Variants in CNTNAP5 observed in about 807,000 individuals in gnomAD.
The protein encoded by CNTNAP5 is contactin associated protein family member 5.
CNTNAP5 carries 72 observed loss-of-function variants against 150.2 expected under a neutral mutation model. The ratio of observed to expected loss-of-function variants is 0.48; its 90% CI spans 0.40 to 0.58. CNTNAP5 has a LOEUF of 0.58. Ranked by LOEUF, CNTNAP5 falls within the 20% of genes least tolerant of loss-of-function variation. The probability of loss-of-function intolerance (pLI) is 0.00; values close to 1 mark genes in which losing one functional copy is unlikely to be tolerated. For missense variants in CNTNAP5, 1,636 were observed against 1,626.2 expected (o/e 1.01, Z -0.10); for synonymous variants, 672 against 619.8 (o/e 1.08, Z -1.25).
At chr2:124,672,810 G>A (rs968797194) in intron 13 of CNTNAP5, among the ~76,000 whole-genome samples, 1 of 151,988 alleles carries the variant, frequency 6.6e-6, no homozygotes, top group Non-Finnish European at 1.5e-5. Context: ...TATTTCAAGT[G>A]ACCAAGAAGA....
intron 5 of CNTNAP5, among the ~76,000 whole-genome samples, chr2:124,435,934 C>T (rs1037636042): frequency 3.3e-5 from 5 of 152,030 alleles, no homozygotes; most frequent in Non-Finnish European, 5.9e-5. Context: ...AGAATATCAC[C>T]TAGAAGAGAG....
At chr2:124,179,997 G>A (rs1359089115) in intron 1 of CNTNAP5, among the ~76,000 whole-genome samples, 1 of 151,850 alleles carries the variant, frequency 6.6e-6, no homozygotes, top group East Asian at 1.9e-4. Context: ...TTCTACCTAG[G>A]TAATTTGGGT....
At chr2:124,206,467 A>G (rs1247270364) in intron 1 of CNTNAP5, among the ~76,000 whole-genome samples, 1 of 152,176 alleles carries the variant, frequency 6.6e-6, no homozygotes, top group African/African-American at 2.4e-5. Flanking sequence ...CTAACCTACC[A>G]TCTCCTTTCC....
At chr2:124,399,602 A>T (rs1305335806) in intron 3 of CNTNAP5, among the ~76,000 whole-genome samples, 1 of 151,936 alleles carries the variant, frequency 6.6e-6, no homozygotes, top group Non-Finnish European at 1.5e-5. Context: ...TTTGTTTCTC[A>T]TGAAACCAGC....
Position 124,133,948 on chromosome 2 carries a change from A to T in CNTNAP5, c.83-87757A>T, listed in dbSNP as rs574051198. On this transcript the variant is annotated intron_variant, in intron 1 of 23. Transcript: ENST00000682447. ...GCATCTGTTAAAGGGCAGTGTGTCTACCACTTCTGTGAAGCAGCTGTGGTC... is the reference window on the plus strand; with the variant it reads ...GCATCTGTTAAAGGGCAGTGTGTCTTCCACTTCTGTGAAGCAGCTGTGGTC... Among the ~76,000 whole-genome samples the T allele has an allele frequency of 2.2e-4, 34 of 152,344 alleles. No homozygotes were observed. In the South Asian group the frequency reaches 5.2e-3, roughly 23 times the overall value.
At chr2:124,241,888 TAAG>T (rs1043556657) in intron 2 of CNTNAP5, among the ~76,000 whole-genome samples, 1 of 152,092 alleles carries the variant, frequency 6.6e-6, no homozygotes, top group African/African-American at 2.4e-5. Context: ...GCTGAAGTTG[TAAG>T]AAGAGAAATA....
chr2:124,904,167 G>A (rs377455049), intron 22 of CNTNAP5, among the ~76,000 whole-genome samples: 1 of 150,760 alleles, frequency 6.6e-6, no homozygotes. Flanking sequence ...GACAACCGCC[G>A]TTCTCTCTGT....
At chr2:124,744,299 A>C (rs1468190858) in intron 13 of CNTNAP5, among the ~76,000 whole-genome samples, 3 of 152,248 alleles carry the variant, frequency 2.0e-5, no homozygotes, top group East Asian at 1.9e-4. Context: ...TCCATGTAAG[A>C]CATGTCTTTT....
chr2:124,836,658 G>A (rs969094948), intron 19 of CNTNAP5, among the ~76,000 whole-genome samples: 1 of 152,068 alleles, frequency 6.6e-6, no homozygotes, highest in Non-Finnish European at 1.5e-5. Flanking sequence ...TGCTGTATCT[G>A]TAATAGGTTC....
rs147024244 is a variant in CNTNAP5 at position 124,530,286 on chromosome 2, G to A, written c.1649+2830G>A. ...GATGGCACCTCTACACTCCAGCCTGGGCGACAGAGCAAGACTCCGTCTAAA... is the reference window on the plus strand; with the variant it reads ...GATGGCACCTCTACACTCCAGCCTGAGCGACAGAGCAAGACTCCGTCTAAA... On this transcript the variant is annotated intron_variant, in intron 10 of 23. Coordinates refer to ENST00000682447, the MANE Select transcript of CNTNAP5 (RefSeq NM_001367498.1). Among the ~76,000 whole-genome samples, 1,486 of 152,196 alleles carry A rather than the reference G, an allele frequency of 9.8e-3. 14 individuals are homozygous for A. The highest frequency in any genetic ancestry group is 0.032 in the African/African-American group (1,340 of 41,510).
rs537874679 is a variant in CNTNAP5, at chr2:124,920,712, C to T, written c.*6424C>T. Among the ~76,000 whole-genome samples, 4 of 152,224 alleles carry T rather than the reference C, an allele frequency of 2.6e-5. No individual in the cohort carries two copies. Among genetic ancestry groups the T allele is most frequent in the Non-Finnish European group, 5.9e-5 (4 of 67,996 alleles). Reference sequence around the variant, plus strand: ...TACCCATGGCCATGTTCCAATATAACTTTATTTACAAAATCTAATTTAGTT... The same window carrying T: ...TACCCATGGCCATGTTCCAATATAATTTTATTTACAAAATCTAATTTAGTT... On this transcript the variant is annotated 3_prime_UTR_variant, in exon 24 of 24. Transcript: ENST00000682447.
chr2:124,857,561 C>T (rs750390511), intron 19 of CNTNAP5, among the ~76,000 whole-genome samples: 39 of 151,962 alleles, frequency 2.6e-4, no homozygotes, highest in Non-Finnish European at 4.7e-4. Context: ...CAGGGGAGCT[C>T]ATGCCTGTAA....
At chr2:124,742,837 T>C (rs572660377) in intron 13 of CNTNAP5, among the ~76,000 whole-genome samples, 50 of 152,276 alleles carry the variant, frequency 3.3e-4, no homozygotes, top group Non-Finnish European at 6.5e-4. Context: ...TGGGAGTTCC[T>C]GGAGGAGTCT....
At chr2:124,374,704 T>C (rs1690604469) in intron 3 of CNTNAP5, among the ~76,000 whole-genome samples, 1 of 152,116 alleles carries the variant, frequency 6.6e-6, no homozygotes, top group Non-Finnish European at 1.5e-5. Context: ...CTATTAGGAA[T>C]GACCACACCT....
Position 124,616,911 on chromosome 2 carries a change from A to G in CNTNAP5, c.1876+6991A>G, listed in dbSNP as rs182596574. Among the ~76,000 whole-genome samples, 157 of 152,262 alleles carry G rather than the reference A, an allele frequency of 1.0e-3. 1 individual carries two copies. The highest frequency in any genetic ancestry group is 8.2e-3 in the Admixed American group (126 of 15,274). The stretch of plus-strand genomic sequence containing the variant: ...TAAGTTCATTGCCTTATATGGGTGC[A>G]GTTCATGATGCCCCAAAACAATTAG... On this transcript the variant is annotated intron_variant, in intron 12 of 23. Coordinates refer to ENST00000682447, the MANE Select transcript of CNTNAP5 (RefSeq NM_001367498.1).
chr2:124,907,390 T>C (rs1678559105), intron 22 of CNTNAP5, among the ~76,000 whole-genome samples: 1 of 151,646 alleles, frequency 6.6e-6, no homozygotes, highest in Non-Finnish European at 1.5e-5. Flanking sequence ...TCTATCTCTA[T>C]ATATACATAG....
At chr2:124,654,030 G>T (rs1474808620) in intron 13 of CNTNAP5, among the ~76,000 whole-genome samples, 1 of 151,962 alleles carries the variant, frequency 6.6e-6, no homozygotes, top group Non-Finnish European at 1.5e-5. Flanking sequence ...ACATGAGGTG[G>T]TGGGAAAGTC....
intron 11 of CNTNAP5, among the ~76,000 whole-genome samples, chr2:124,581,313 A>G (rs556475659): frequency 6.6e-6 from 1 of 152,226 alleles, no homozygotes; most frequent in Non-Finnish European, 1.5e-5. Flanking sequence ...GAAACAGGGA[A>G]AAAAGTAAAA....
chr2:124,406,400 G>A (rs1390891275), intron 3 of CNTNAP5, among the ~76,000 whole-genome samples: 1 of 152,004 alleles, frequency 6.6e-6, no homozygotes, highest in African/African-American at 2.4e-5. Flanking sequence ...TCCATTTTCT[G>A]TACTTTCCAT....
Sources: allele counts gnomAD v4.1 joint callset (sites outside exome capture counted in the v4.1 genomes callset), GRCh38; gene constraint gnomAD v4.1.1; transcripts MANE v1.5; gene names NCBI Gene and HGNC (gene_info 2026-07-23, HGNC 2026-07-21).